The following PHACTR2 variants were observed in gnomAD, a reference collection of about 807,000 sequenced individuals.
The protein encoded by PHACTR2 is phosphatase and actin regulator 2.
A neutral mutation model predicts 76.0 loss-of-function variants in PHACTR2; 30 were observed. The ratio of observed to expected loss-of-function variants is 0.39; its 90% CI spans 0.30 to 0.54. PHACTR2 has a LOEUF of 0.54. Among genes scored for constraint, PHACTR2 ranks in the 20% least tolerant of loss-of-function variants. The probability of loss-of-function intolerance (pLI) is 0.61; values close to 1 mark genes in which losing one functional copy is unlikely to be tolerated. For missense variants in PHACTR2, 696 were observed against 781.1 expected, an observed-to-expected ratio of 0.89 and a Z score of 1.30; for synonymous variants, 292 against 292.5, an observed-to-expected ratio of 1.00 and a Z score of 0.02.
chr6:143,662,982 A>G lies in PHACTR2; in HGVS notation c.14-49034A>G, dbSNP rs899780484. ...GTGATATTTGGTTTTCTGTTCCTGT[A>G]TTAATTTGCTTAGGATATGATCTCC... On this transcript the variant is annotated intron_variant, in intron 1 of 11. Coordinates refer to the PHACTR2 transcript ENST00000305766. The surrounding 1 kb of genome is among the most constrained non-coding windows in gnomAD (Gnocchi z 4.7). Among the ~76,000 whole-genome samples the G allele has an allele frequency of 2.0e-5, 3 of 152,186 alleles. No homozygotes were observed. The highest frequency in any genetic ancestry group is 2.9e-5 in the Non-Finnish European group (2 of 68,036).
At position 143,822,552 on chromosome 6, in the gene PHACTR2, C is replaced by A. The variant is rs1323855940; in HGVS notation, c.1923-1122C>A. On this transcript the variant is annotated intron_variant, in intron 12 of 12. Transcript: ENST00000440869. This position sits in a 1 kb window ranked among gnomAD's most constrained non-coding sequence, Gnocchi z 5.5. Reference sequence around the variant, plus strand: ...AACCCCAAGAACTGAAATGATGGAACCAGTATTTTTAAGGATAGTGTGAGC... The same window carrying A: ...AACCCCAAGAACTGAAATGATGGAAACAGTATTTTTAAGGATAGTGTGAGC... Among the ~76,000 whole-genome samples, 2 of 152,022 alleles carry A rather than the reference C, an allele frequency of 1.3e-5. No individual in the cohort carries two copies. The highest frequency in any genetic ancestry group is 2.9e-5 in the Non-Finnish European group (2 of 68,004).
At position 143,772,398 on chromosome 6, in the gene PHACTR2, G is replaced by A. The variant is rs537587201; in HGVS notation, c.1373G>A (p.Gly458Glu). The A allele has an allele frequency of 6.2e-6, 10 of 1,614,116 alleles. No individual in the cohort carries two copies. The East Asian group carries it at 2.2e-4, about 36-fold the overall frequency. ...EYQANDSDSD[G>E]PILYTDDEDE... ...CAAGCCAATGACTCTGACTCGGACG[G>A]GCCTATCTTGTACACCGATGATGAG... Residue 458 changes from glycine to glutamate, a missense_variant, in exon 7 of 13, where the codon GGG (glycine) becomes GAG (glutamate). By Grantham distance (98) the Gly-to-Glu change is moderately conservative. Transcript: ENST00000440869. The surrounding 1 kb of genome is among the most constrained non-coding windows in gnomAD (Gnocchi z 5.4).
chr6:143,563,560 A>AAAAC (rs1554287764), intron 1 of PHACTR2, among the ~76,000 whole-genome samples: 7 of 143,238 alleles, frequency 4.9e-5, no homozygotes, highest in East Asian at 1.9e-4. Context: ...TCAAAAAAAA[A>AAAAC]AAAAAAAAAA....
chr6:143,656,788 A>G lies in PHACTR2; in HGVS notation c.13+48466A>G, dbSNP rs139175170. Among the ~76,000 whole-genome samples, 999 of 152,294 alleles carry G rather than the reference A, an allele frequency of 6.6e-3. 12 individuals carry two copies. The highest frequency in any genetic ancestry group is 0.021 in the African/African-American group (880 of 41,552). On this transcript the variant is annotated intron_variant, in intron 1 of 11. Coordinates refer to the PHACTR2 transcript ENST00000305766. The surrounding 1 kb of genome is among the most constrained non-coding windows in gnomAD (Gnocchi z 5.3). ...GAAAAAGCATGTCTGTTAGTTTTGC[A>G]ATCCGCAAAAAGATGAACACAATAG...
chr6:143,540,197 T>C (rs1454536333), intron 1 of PHACTR2, among the ~76,000 whole-genome samples: 2 of 152,226 alleles, frequency 1.3e-5, no homozygotes, highest in Non-Finnish European at 2.9e-5. Context: ...TCCTAAGGGA[T>C]AATTTCTAAT....
At position 143,589,815 on chromosome 6, in the gene PHACTR2, G is replaced by A. The variant is rs1466147428; in HGVS notation, c.217+52608G>A. Among the ~76,000 whole-genome samples the A allele has an allele frequency of 6.6e-6, 1 of 152,200 alleles. No homozygotes were observed. Among genetic ancestry groups the A allele is most frequent in the Non-Finnish European group, 1.5e-5 (1 of 68,040 alleles). ...ATTCAGTCCATTGCACTAATCTTAT[G>A]CAAACTATTTCATATTATAGAAGAT... is the stretch of plus-strand genomic sequence containing the variant. On this transcript the variant is annotated intron_variant, in intron 1 of 11. Transcript: ENST00000367584. The surrounding 1 kb of genome is among the most constrained non-coding windows in gnomAD (Gnocchi z 4.4).
chr6:143,690,149 G>C lies in PHACTR2; in HGVS notation c.46+11940G>C, dbSNP rs930253957. ...ACTGGTGTTTTTGTTAGCTTGCTAA[G>C]TGTCCTACATACCATCCCCACACTT... On this transcript the variant is annotated intron_variant, in intron 1 of 12. Coordinates refer to ENST00000440869, the MANE Select transcript of PHACTR2 (RefSeq NM_001100164.2). Among the ~76,000 whole-genome samples the C allele has an allele frequency of 2.6e-5, 4 of 152,200 alleles. No homozygotes were observed. In the East Asian group the frequency reaches 7.7e-4, roughly 29 times the overall value.
In PHACTR2 at chr6:143,754,676, G is replaced by A. The variant is rs972237928; in HGVS notation, c.454+764G>A. ...TTGATGACATCTCGATACCACTGCT[G>A]TGATGCGTAGGAACCTCCAAACATG... On this transcript the variant is annotated intron_variant, in intron 4 of 12. Transcript: ENST00000440869. This position sits in a 1 kb window ranked among gnomAD's most constrained non-coding sequence, Gnocchi z 6.2. Among the ~76,000 whole-genome samples the A allele has an allele frequency of 6.6e-6, 1 of 152,210 alleles. No homozygotes were observed. The highest frequency in any genetic ancestry group is 1.5e-5 in the Non-Finnish European group (1 of 68,036).
chr6:143,825,152 T>C lies in PHACTR2; in HGVS notation c.*1463T>C, dbSNP rs1188440282. On this transcript the variant is annotated 3_prime_UTR_variant, in exon 13 of 13. Transcript: ENST00000440869. This position sits in a 1 kb window ranked among gnomAD's most constrained non-coding sequence, Gnocchi z 4.1. ...TTGTGCCCCTTTAATTAAAAACACA[T>C]GAAATGAATAACAAAACAAGACCCA... 1 of 152,586 alleles carries C rather than the reference T, an allele frequency of 6.6e-6. No homozygotes were observed. The highest frequency in any genetic ancestry group is 1.5e-5 in the Non-Finnish European group (1 of 68,036). The allele number at this position is 152,586 out of a possible 1,614,324, so 9.5% of individuals were successfully genotyped here.
rs1778685009 is a variant in PHACTR2, at chr6:143,730,901, CTG to C, written c.215-18083_215-18082del. On this transcript the variant is annotated intron_variant, in intron 2 of 12. Coordinates refer to ENST00000440869, the MANE Select transcript of PHACTR2 (RefSeq NM_001100164.2). This position sits in a 1 kb window ranked among gnomAD's most constrained non-coding sequence, Gnocchi z 4.8. ...TAGCTGGGACTACAGGCACGTGCCA[CTG>C]CACCTGGCTAATTTTTGTATTTTTA... is the stretch of plus-strand genomic sequence containing the variant. Among the ~76,000 whole-genome samples, 1 of 152,124 alleles carries C rather than the reference CTG, an allele frequency of 6.6e-6. No homozygotes were observed. Among genetic ancestry groups the C allele is most frequent in the Admixed American group, 6.6e-5 (1 of 15,260 alleles).
chr6:143,669,588 A>T (rs1431399967), intron 1 of PHACTR2, among the ~76,000 whole-genome samples: 3 of 152,130 alleles, frequency 2.0e-5, no homozygotes, highest in African/African-American at 7.2e-5. Context: ...TAGGATAGTT[A>T]ATTCTTCTTG....
At chr6:143,661,174 G>C (rs1776941068) in intron 1 of PHACTR2, among the ~76,000 whole-genome samples, 1 of 152,166 alleles carries the variant, frequency 6.6e-6, no homozygotes, top group Non-Finnish European at 1.5e-5. Flanking sequence ...TTTAAGGTGG[G>C]AACAAAGTAA....
chr6:143,752,067 G>T (rs1779194516), intron 3 of PHACTR2, among the ~76,000 whole-genome samples: 1 of 151,794 alleles, frequency 6.6e-6, no homozygotes, highest in African/African-American at 2.4e-5. Flanking sequence ...CTCTATCATA[G>T]GATAAGACAC....
At chr6:143,690,797 C>T (rs533497372) in intron 1 of PHACTR2, among the ~76,000 whole-genome samples, 22 of 152,244 alleles carry the variant, frequency 1.4e-4, no homozygotes, top group Admixed American at 1.3e-3. Flanking sequence ...GGTACATAGA[C>T]TAATTTAAAA....
intron 12 of PHACTR2, among the ~76,000 whole-genome samples, chr6:143,817,417 G>A (rs566773479): frequency 1.3e-5 from 2 of 152,286 alleles, no homozygotes; most frequent in South Asian, 2.1e-4. Context: ...TGTTGTCAGG[G>A]CTCCCTGGGT....
At chr6:143,745,848 G>A (rs1779051880) in intron 2 of PHACTR2, among the ~76,000 whole-genome samples, 1 of 152,236 alleles carries the variant, frequency 6.6e-6, no homozygotes, top group Non-Finnish European at 1.5e-5. Flanking sequence ...TAGAGCAAAA[G>A]AACAAAGCTG....
In PHACTR2 at chr6:143,580,025, A is replaced by G. The variant is rs905233465; in HGVS notation, c.217+42818A>G. 4.6e-5 allele frequency among the ~76,000 whole-genome samples: 7 copies of G among 152,104 alleles called. No individual in the cohort carries two copies. The highest frequency in any genetic ancestry group is 1.7e-4 in the African/African-American group (7 of 41,400). ...CCCATGGGCTGTTGTTTTGCAGGCC[A>G]CCCTCAGTTTCTTGCCACGTGGGCC... On this transcript the variant is annotated intron_variant, in intron 1 of 11. Transcript: ENST00000367584. The surrounding 1 kb of genome is among the most constrained non-coding windows in gnomAD (Gnocchi z 4.2).
chr6:143,705,462 T>C (rs1202625643), intron 1 of PHACTR2, among the ~76,000 whole-genome samples: 1 of 151,906 alleles, frequency 6.6e-6, no homozygotes, highest in Non-Finnish European at 1.5e-5. Flanking sequence ...GCCCAGCCAA[T>C]TTTTTGTATT....
intron 1 of PHACTR2, among the ~76,000 whole-genome samples, chr6:143,564,819 C>A (rs1255078251): frequency 6.6e-6 from 1 of 152,164 alleles, no homozygotes; most frequent in Non-Finnish European, 1.5e-5. Flanking sequence ...CAACTGCAAC[C>A]TCAGCAAAAT....
Sources: allele counts gnomAD v4.1 joint callset (sites outside exome capture counted in the v4.1 genomes callset), GRCh38; gene constraint gnomAD v4.1.1; non-coding constraint Gnocchi (gnomAD v3.1); transcripts MANE v1.5; gene names NCBI Gene and HGNC (gene_info 2026-07-23, HGNC 2026-07-21).